FAM135B: variants seen among roughly 807,000 people sequenced by gnomAD.
FAM135B encodes the protein family with sequence similarity 135 member B.
A neutral mutation model predicts 127.7 loss-of-function variants in FAM135B; 43 were observed. The ratio of observed to expected loss-of-function variants is 0.34; its 90% CI spans 0.26 to 0.43. The LOEUF is 0.43. FAM135B is among the 20% of genes least tolerant of loss of function. The pLI is 1.00. For missense variants in FAM135B, 1,558 were observed against 1,725.6 expected (o/e 0.90, Z 1.72); for synonymous variants, 670 against 665.1 (o/e 1.01, Z -0.11).
intron 9 of FAM135B, among the ~76,000 whole-genome samples, chr8:138,187,089 T>C (rs1301070351): frequency 6.6e-6 from 1 of 152,206 alleles, no homozygotes; most frequent in Non-Finnish European, 1.5e-5. Context: ...TATGTTGGTA[T>C]TGTCATTGTT....
At chr8:138,368,140 G>C (rs1051722983) in intron 1 of FAM135B, 138 bp from the exon 2 acceptor site, 1 of 626,968 alleles carries the variant, frequency 1.6e-6, no homozygotes, top group Non-Finnish European at 2.8e-6. Flanking sequence ...ACCACTCAGG[G>C]TTCCTTTTAT....
intron 2 of FAM135B, among the ~76,000 whole-genome samples, chr8:138,321,780 T>G (rs995260999): frequency 2.6e-5 from 4 of 152,232 alleles, no homozygotes; most frequent in African/African-American, 9.6e-5. Context: ...TGAAGATGGC[T>G]TTATGAAGGC....
chr8:138,424,042 T>C (rs567462676), intron 1 of FAM135B, among the ~76,000 whole-genome samples: 5 of 152,320 alleles, frequency 3.3e-5, no homozygotes, highest in African/African-American at 9.6e-5. Flanking sequence ...ACATTGCTGT[T>C]ATCATGTTCT....
chr8:138,302,100 T>C (rs749802136), intron 3 of FAM135B, among the ~76,000 whole-genome samples: 9 of 151,440 alleles, frequency 5.9e-5, no homozygotes, highest in Non-Finnish European at 1.3e-4. Context: ...CAGTGTGACA[T>C]TTTTAATTCT....
At chr8:138,203,118 C>T (rs1433550021) in intron 7 of FAM135B, among the ~76,000 whole-genome samples, 1 of 152,204 alleles carries the variant, frequency 6.6e-6, no homozygotes, top group East Asian at 1.9e-4. Flanking sequence ...TATTTCCTAA[C>T]AGAGTATATA....
chr8:138,191,865 A>G (rs948632233), intron 9 of FAM135B, among the ~76,000 whole-genome samples: 27 of 152,166 alleles, frequency 1.8e-4, no homozygotes, highest in African/African-American at 6.5e-4. Context: ...TGCACCAGAC[A>G]TGATGGTTTG....
chr8:138,224,265 T>C (rs1005799398), intron 7 of FAM135B, among the ~76,000 whole-genome samples: 4 of 152,106 alleles, frequency 2.6e-5, no homozygotes, highest in Admixed American at 6.5e-5. Flanking sequence ...GACCAAAGAA[T>C]TGACAGCACT....
intron 10 of FAM135B, 96 bp from the exon 11 acceptor site, chr8:138,177,516 T>C: frequency 9.0e-7 from 1 of 1,114,426 alleles, no homozygotes; most frequent in East Asian, 2.6e-5. Flanking sequence ...ATGAATGATA[T>C]TTCCTAATAG....
At chr8:138,357,238 C>T (rs1189364471) in intron 2 of FAM135B, among the ~76,000 whole-genome samples, 1 of 152,054 alleles carries the variant, frequency 6.6e-6, no homozygotes, top group Non-Finnish European at 1.5e-5. Flanking sequence ...TTATAAAATG[C>T]TCTTAAATGC....
intron 3 of FAM135B, among the ~76,000 whole-genome samples, chr8:138,297,511 AT>A (rs1364528028): frequency 2.0e-5 from 3 of 152,232 alleles, no homozygotes; most frequent in Non-Finnish European, 4.4e-5. Flanking sequence ...CATTCATTGC[AT>A]TTTTTAAAAC....
chr8:138,214,703 G>A (rs1255634733), intron 7 of FAM135B, among the ~76,000 whole-genome samples: 2 of 151,970 alleles, frequency 1.3e-5, no homozygotes, highest in Non-Finnish European at 2.9e-5. Context: ...AACCTACTGC[G>A]GAAGGGAAAA....
chr8:138,481,937 C>T (rs1225474582), intron 1 of FAM135B, among the ~76,000 whole-genome samples: 1 of 152,118 alleles, frequency 6.6e-6, no homozygotes, highest in Non-Finnish European at 1.5e-5. Context: ...GATGGGAGTA[C>T]AAGATAAATA....
At chr8:138,483,147 G>T (rs1814853975) in intron 1 of FAM135B, among the ~76,000 whole-genome samples, 1 of 152,118 alleles carries the variant, frequency 6.6e-6, no homozygotes, top group Non-Finnish European at 1.5e-5. Context: ...TGCTTAAAGT[G>T]CAAAAGTTAA....
At chr8:138,269,400 C>T (rs922593506) in intron 3 of FAM135B, among the ~76,000 whole-genome samples, 1 of 152,194 alleles carries the variant, frequency 6.6e-6, no homozygotes, top group Non-Finnish European at 1.5e-5. Context: ...AAGAACATAG[C>T]CATGGCTCTG....
chr8:138,388,594 C>T (rs996268696), intron 1 of FAM135B, among the ~76,000 whole-genome samples: 2 of 152,124 alleles, frequency 1.3e-5, no homozygotes, highest in Non-Finnish European at 2.9e-5. Flanking sequence ...CATGTCGAGG[C>T]ATGGAGGCAC....
At chr8:138,302,199 T>C (rs1368137241) in intron 3 of FAM135B, among the ~76,000 whole-genome samples, 1 of 151,542 alleles carries the variant, frequency 6.6e-6, no homozygotes, top group Admixed American at 6.6e-5. Flanking sequence ...AGGAGGGGGG[T>C]GAGGAGTCCG....
intron 17 of FAM135B, among the ~76,000 whole-genome samples, chr8:138,139,407 G>T (rs906025918): frequency 6.6e-6 from 1 of 152,126 alleles, no homozygotes; most frequent in Non-Finnish European, 1.5e-5. Flanking sequence ...TTTTCAATGC[G>T]AAAAGAATAT....
intron 3 of FAM135B, among the ~76,000 whole-genome samples, chr8:138,281,616 G>A (rs1313232432): frequency 2.6e-5 from 4 of 152,014 alleles, no homozygotes; most frequent in Admixed American, 6.6e-5. Flanking sequence ...CTTGGCCGCC[G>A]TGAAATGAAG....
chr8:138,266,638 C>T (rs10096269), intron 3 of FAM135B, among the ~76,000 whole-genome samples: 2 of 147,030 alleles, frequency 1.4e-5, no homozygotes, highest in East Asian at 2.0e-4. Context: ...TATATATATA[C>T]GTATATATAC....
Sources: gnomAD v4.1 joint callset for allele counts (sites outside exome capture counted in the v4.1 genomes callset) on GRCh38, gnomAD v4.1.1 for gene constraint, MANE v1.5 for transcripts, NCBI Gene and HGNC (gene_info 2026-07-23, HGNC 2026-07-21) for gene names.